Variants in STEAP2 observed in about 807,000 individuals in gnomAD.
STEAP2 encodes the protein STEAP2 metalloreductase.
In STEAP2, 30 loss-of-function variants were observed where a neutral mutation model predicts 46.4. That is an observed-to-expected ratio of 0.65 (90% CI 0.48 to 0.88). The LOEUF is 0.88. Among genes scored for constraint, STEAP2 ranks in the 40% least tolerant of loss-of-function variants. The probability of loss-of-function intolerance (pLI) is 0.00; values close to 1 mark genes in which losing one functional copy is unlikely to be tolerated. For synonymous variants in STEAP2, 180 were observed against 200.5 expected, an observed-to-expected ratio of 0.90 and a Z score of 0.86; for missense variants, 513 against 579.3, an observed-to-expected ratio of 0.89 and a Z score of 1.18.
chr7:90,223,532 C>T lies in STEAP2; in HGVS notation c.-33-1518C>T, dbSNP rs140478381. On this transcript the variant is annotated intron_variant, in intron 2 of 5. Transcript: ENST00000394621. ...CCTATGTCATAGCGATGGTGGTGAG[C>T]TTCTGTTATGTCTACATGGCTATGA... Among the ~76,000 whole-genome samples, 416 of 152,316 alleles carry T rather than the reference C, an allele frequency of 2.7e-3. 10 individuals are homozygous for T. The highest frequency in any genetic ancestry group is 0.024 in the Admixed American group (369 of 15,302).
Position 90,229,982 on chromosome 7 carries a change from T to G in STEAP2, c.1131T>G (p.Thr377=). 1 of 1,613,606 alleles carries G rather than the reference T, an allele frequency of 6.2e-7. No homozygotes were observed. Among genetic ancestry groups the G allele is most frequent in the East Asian group, 2.2e-5 (1 of 44,860 alleles). The change falls in exon 5 of 6, where the codon ACT becomes ACG. Residue 377 remains threonine (T), a synonymous_variant. Transcript: ENST00000394621. The part of the protein sequence containing the change: ...SLGLLSLLAV[T]SIPSVSNALN... ...GCTTACTTTCCCTCCTGGCAGTCAC[T>G]TCTATCCCTTCAGTGAGCAATGCTT...
rs1584256569 is a variant in STEAP2, at chr7:90,236,617, T to G, written c.*3993T>G. On this transcript the variant is annotated 3_prime_UTR_variant, in exon 6 of 6. Transcript: ENST00000394621. ...TTACATGAATGAATGGGTTCTTCAC[T>G]TTTTTTTTAGTATGAGAAAATTATA... 20 of 1,095,442 alleles carry G rather than the reference T, an allele frequency of 1.8e-5. No homozygotes were observed. The highest frequency in any genetic ancestry group is 2.1e-5 in the Non-Finnish European group (19 of 895,904). 67.9% of individuals were successfully genotyped at this position (1,095,442 alleles called of 1,614,324 possible).
intron 2 of STEAP2, among the ~76,000 whole-genome samples, chr7:90,219,677 T>G (rs7780514): frequency 0.2 from 30,182 of 151,826 alleles, 3,170 homozygotes; most frequent in African/African-American, 0.25. Flanking sequence ...GTGTGTGTGT[T>G]TTTTTTATGA....
chr7:90,232,517 C>T lies in STEAP2; in HGVS notation c.1366C>T (p.Arg456Ter), dbSNP rs1349619724. 3.7e-6 allele frequency: 6 copies of T among 1,613,384 alleles called. No individual in the cohort carries two copies. Among genetic ancestry groups the T allele is most frequent in the East Asian group, 2.2e-5 (1 of 44,872 alleles). The change falls in exon 6 of 6, where the codon CGA (arginine) becomes TGA (stop). Residue 456 changes from arginine (R) to a stop codon, truncating the protein, a stop_gained. Transcript: ENST00000394621. LOFTEE classifies it high-confidence loss of function. ...TATTTTATTCCTTCCATGTATAAGC[C>T]GAAAGCTAAAACGAATTAAAAAAGG... is the stretch of plus-strand genomic sequence containing the variant. ...KIILFLPCIS[R>*]KLKRIKKGWE...
intron 5 of STEAP2, 134 bp from the exon 6 acceptor site, chr7:90,232,203 A>T: frequency 9.1e-7 from 1 of 1,103,732 alleles, no homozygotes; most frequent in Non-Finnish European, 1.2e-6. Context: ...GTAGAGGACA[A>T]AGGTTAACTT....
At chr7:90,214,845 G>A (rs1407994135) in intron 1 of STEAP2, among the ~76,000 whole-genome samples, 2 of 152,192 alleles carry the variant, frequency 1.3e-5, no homozygotes, top group Non-Finnish European at 2.9e-5. Context: ...GGCAGTGAGT[G>A]ACTGAGGTGG....
At chr7:90,224,766 G>A (rs76850677) in intron 2 of STEAP2, among the ~76,000 whole-genome samples, 170 of 152,306 alleles carry the variant, frequency 1.1e-3, no homozygotes, top group African/African-American at 3.9e-3. Flanking sequence ...ACGAGATTCC[G>A]AAGTGATCTG....
At chr7:90,238,872 A>C (rs1796025790), downstream of STEAP2, among the ~76,000 whole-genome samples, 1 of 152,208 alleles carries the variant, frequency 6.6e-6, no homozygotes, top group Non-Finnish European at 1.5e-5. Flanking sequence ...GAGACCCCTG[A>C]GAGTAGAAAA....
chr7:90,223,016 T>G (rs886800375), intron 2 of STEAP2, among the ~76,000 whole-genome samples: 39 of 152,204 alleles, frequency 2.6e-4, no homozygotes, highest in African/African-American at 9.2e-4. Flanking sequence ...ATTTGTATTC[T>G]TGAGCAAATT....
At chr7:90,219,826 C>G (rs1225102837) in intron 2 of STEAP2, among the ~76,000 whole-genome samples, 1 of 152,130 alleles carries the variant, frequency 6.6e-6, no homozygotes, top group African/African-American at 2.4e-5. Flanking sequence ...CTTCTGGGCT[C>G]AGGTGATTCT....
rs1795940175 is a variant in STEAP2 at position 90,235,682 on chromosome 7, A to T, written c.*3058A>T. On this transcript the variant is annotated 3_prime_UTR_variant, in exon 6 of 6. Transcript: ENST00000394621. Reference sequence around the variant, plus strand: ...AACCATGAGCTGTATCATGCTACTTAGCTTTTATGTAAATATTTCTTATGT... The same window carrying T: ...AACCATGAGCTGTATCATGCTACTTTGCTTTTATGTAAATATTTCTTATGT... 8.9e-6 allele frequency: 8 copies of T among 900,880 alleles called. No individual in the cohort carries two copies. Among genetic ancestry groups the T allele is most frequent in the Non-Finnish European group, 9.3e-6 (7 of 752,896 alleles). 55.8% of individuals were successfully genotyped at this position (900,880 alleles called of 1,614,324 possible).
chr7:90,234,536 CT>C lies in STEAP2; in HGVS notation c.*1914del, dbSNP rs1795885089. 1.4e-6 allele frequency: 1 copy of C among 736,538 alleles called. No homozygotes were observed. The highest frequency in any genetic ancestry group is 1.6e-6 in the Non-Finnish European group (1 of 611,916). The allele number at this position is 736,538 out of a possible 1,614,324, so 45.6% of individuals were successfully genotyped here. A position where few individuals can be genotyped will look rare whatever the true frequency, so the allele number is the denominator to read the frequency against. On this transcript the variant is annotated 3_prime_UTR_variant, in exon 6 of 6. Transcript: ENST00000394621. ...ATGTTCTCTTGGTGAATTTTATTAT[CT>C]TGTACCCTCTTTTTTTTTTTTTTTT... is the stretch of plus-strand genomic sequence containing the variant.
chr7:90,216,337 T>C (rs569440326), intron 1 of STEAP2, 154 bp from the exon 2 acceptor site: 1 of 152,306 alleles, frequency 6.6e-6, no homozygotes, highest in Non-Finnish European at 1.5e-5. Flanking sequence ...AGGATCATGA[T>C]GCCTGGAGAA....
chr7:90,226,961 T>A lies in STEAP2; in HGVS notation c.493-10T>A. 1 of 1,549,624 alleles carries A rather than the reference T, an allele frequency of 6.5e-7. No individual in the cohort carries two copies. The highest frequency in any genetic ancestry group is 8.7e-7 in the Non-Finnish European group (1 of 1,152,892). ...AATGGTAATGCTGAGTCTTTTTGTT[T>A]TTTCCACAGGTTTATATATGCAGCA... On this transcript the variant is annotated splice_polypyrimidine_tract_variant and intron_variant, in intron 3 of 5. Transcript: ENST00000394621.
At position 90,225,240 on chromosome 7, in the gene STEAP2, G is replaced by T. The variant is rs376806800; in HGVS notation, c.158G>T (p.Gly53Val). ...TTGACCATTCGACTTATTAGATGCG[G>T]CTATCATGTGGTCATAGGAAGTAGA... ...KSLTIRLIRC[G>V]YHVVIGSRNP... Residue 53 changes from glycine (G) to valine (V), a missense_variant, in exon 3 of 6, where the codon GGC becomes GTC. By Grantham distance (109) the Gly-to-Val change is moderately radical. Coordinates refer to ENST00000394621, the MANE Select transcript of STEAP2 (RefSeq NM_001244944.2). The T allele has an allele frequency of 2.4e-5, 39 of 1,613,956 alleles. No homozygotes were observed. In the Admixed American group the frequency reaches 4.2e-4, roughly 17 times the overall value.
intron 5 of STEAP2, 37 bp downstream of exon 5, chr7:90,230,073 A>T: frequency 6.3e-7 from 1 of 1,591,780 alleles, no homozygotes; most frequent in Non-Finnish European, 8.5e-7. Flanking sequence ...ATTGTGCAGG[A>T]TAGGATTTCC....
intron 2 of STEAP2, among the ~76,000 whole-genome samples, chr7:90,218,744 G>A (rs534793962): frequency 4.6e-5 from 7 of 152,098 alleles, no homozygotes; most frequent in African/African-American, 1.7e-4. Context: ...TAGGATTGCT[G>A]TAGCTATTCA....
intron 2 of STEAP2, 39 bp from the exon 3 acceptor site, chr7:90,225,011 A>C (rs1355165316): frequency 1.3e-6 from 2 of 1,513,568 alleles, no homozygotes; most frequent in South Asian, 2.6e-5. Context: ...AATGTTCAGT[A>C]ATAGGTAACT....
chr7:90,236,693 G>T lies in STEAP2; in HGVS notation c.*4069G>T. 7.6e-7 allele frequency: 1 copy of T among 1,324,442 alleles called. No homozygotes were observed. 82.0% of individuals were successfully genotyped at this position (1,324,442 alleles called of 1,614,324 possible). A position where few individuals can be genotyped will look rare whatever the true frequency, so the allele number is the denominator to read the frequency against. On this transcript the variant is annotated 3_prime_UTR_variant, in exon 6 of 6. Coordinates refer to ENST00000394621, the MANE Select transcript of STEAP2 (RefSeq NM_001244944.2). The stretch of plus-strand genomic sequence containing the variant: ...TCCATATGTTACTAAAAAATGTTTT[G>T]TTCAGCCTAACATACTGAGTTTTTT...
Sources: gnomAD v4.1 joint callset for allele counts (sites outside exome capture counted in the v4.1 genomes callset) on GRCh38, gnomAD v4.1.1 for gene constraint, MANE v1.5 for transcripts, NCBI Gene and HGNC (gene_info 2026-07-23, HGNC 2026-07-21) for gene names.